SIPA1L2: variants seen among roughly 807,000 people sequenced by gnomAD.
SIPA1L2 encodes the protein signal-induced proliferation-associated 1-like protein 2.
In SIPA1L2, 56 loss-of-function variants were observed where a neutral mutation model predicts 163.9. The ratio of observed to expected loss-of-function variants is 0.34; its 90% CI spans 0.28 to 0.43. SIPA1L2 has a LOEUF of 0.43. SIPA1L2 is among the 20% of genes least tolerant of loss of function. The probability of loss-of-function intolerance (pLI) is 1.00; values close to 1 mark genes in which losing one functional copy is unlikely to be tolerated. For missense variants in SIPA1L2, 1,974 were observed against 2,193.5 expected (o/e 0.90, Z 2.00); for synonymous variants, 877 against 865.7 (o/e 1.01, Z -0.23).
intron 1 of SIPA1L2, among the ~76,000 whole-genome samples, chr1:232,603,483 C>G (rs1048962232): frequency 6.6e-6 from 1 of 152,184 alleles, no homozygotes; most frequent in African/African-American, 2.4e-5. Flanking sequence ...CAGAGGTAAA[C>G]GTTTGAACAG....
chr1:232,512,802 TAAAA>T (rs932559539), intron 3 of SIPA1L2, among the ~76,000 whole-genome samples: 2 of 150,664 alleles, frequency 1.3e-5, no homozygotes, highest in South Asian at 2.1e-4. Flanking sequence ...GAACTTAAAG[TAAAA>T]AAAAAAATAA....
chr1:232,600,784 A>G (rs1457636315), intron 1 of SIPA1L2, among the ~76,000 whole-genome samples: 1 of 152,136 alleles, frequency 6.6e-6, no homozygotes, highest in Non-Finnish European at 1.5e-5. Flanking sequence ...AGAAGGTGGC[A>G]GTTGCTCCAG....
intron 2 of SIPA1L2, among the ~76,000 whole-genome samples, chr1:232,528,075 G>GTT (rs1387197738): frequency 2.4e-4 from 22 of 93,450 alleles, no homozygotes; most frequent in African/African-American, 1.0e-3. Flanking sequence ...AAGTAAGCAA[G>GTT]TTTTATATAT....
intron 5 of SIPA1L2, 65 bp downstream of exon 5, chr1:232,490,809 A>C: frequency 6.7e-7 from 1 of 1,487,146 alleles, no homozygotes; most frequent in Non-Finnish European, 9.1e-7. Flanking sequence ...GGATGGGAAA[A>C]CTCCAAAACT....
chr1:232,604,852 G>A (rs1661809404), intron 1 of SIPA1L2, among the ~76,000 whole-genome samples: 1 of 152,082 alleles, frequency 6.6e-6, no homozygotes, highest in Non-Finnish European at 1.5e-5. Context: ...AGACCTGTCT[G>A]TTTCCACTTC....
At chr1:232,518,285 C>T (rs1053865540) in intron 2 of SIPA1L2, among the ~76,000 whole-genome samples, 24 of 152,142 alleles carry the variant, frequency 1.6e-4, no homozygotes, top group African/African-American at 5.8e-4. Context: ...AATCCACTCC[C>T]CTTTCTTCTG....
intron 14 of SIPA1L2, 58 bp from the exon 15 acceptor site, chr1:232,439,554 C>A (rs965244723): frequency 5.2e-6 from 8 of 1,549,948 alleles, no homozygotes; most frequent in African/African-American, 1.4e-5. Flanking sequence ...AGGTGCTTCT[C>A]ACCCTGACTC....
chr1:232,486,833 A>G (rs371272894), intron 5 of SIPA1L2, among the ~76,000 whole-genome samples: 3 of 152,238 alleles, frequency 2.0e-5, no homozygotes, highest in African/African-American at 4.8e-5. Context: ...CTCCCGGGGT[A>G]TATCAGAAGG....
At chr1:232,418,928 G>A (rs889393014) in intron 18 of SIPA1L2, among the ~76,000 whole-genome samples, 2 of 152,204 alleles carry the variant, frequency 1.3e-5, no homozygotes, top group Admixed American at 1.3e-4. Flanking sequence ...ACTACTGCCT[G>A]CCACGTGATG....
At chr1:232,577,420 T>A (rs987027035) in intron 1 of SIPA1L2, among the ~76,000 whole-genome samples, 5 of 152,222 alleles carry the variant, frequency 3.3e-5, no homozygotes, top group Middle Eastern at 3.2e-3. Context: ...GCTAACAACA[T>A]CCATTCCGCA....
chr1:232,447,066 AT>A (rs2102877324), intron 10 of SIPA1L2, among the ~76,000 whole-genome samples: 1 of 152,362 alleles, frequency 6.6e-6, no homozygotes, highest in African/African-American at 2.4e-5. Flanking sequence ...TTAGCATCTG[AT>A]TTGAGATATG....
intron 3 of SIPA1L2, among the ~76,000 whole-genome samples, chr1:232,510,247 T>TAC (rs398103805): frequency 1.3e-5 from 2 of 151,472 alleles, no homozygotes; most frequent in Non-Finnish European, 2.9e-5. Context: ...TATATATATA[T>TAC]GAATAAAGAT....
chr1:232,588,001 T>C (rs1660760547), intron 1 of SIPA1L2, among the ~76,000 whole-genome samples: 1 of 152,228 alleles, frequency 6.6e-6, no homozygotes. Flanking sequence ...CTCTTTCTTT[T>C]GTAAACTGCC....
chr1:232,514,051 T>C lies in SIPA1L2; in HGVS notation c.1289A>G (p.Asn430Ser), dbSNP rs1358225363. Residue 430 changes from asparagine to serine, a missense_variant, in exon 3 of 23, where the codon AAC (asparagine) becomes AGC (serine). Around this residue, in one of 3 missense-constraint regions of SIPA1L2, gnomAD observed 607 missense variants for 624.0 expected, o/e 0.97. Coordinates refer to ENST00000674635, the MANE Select transcript of SIPA1L2 (RefSeq NM_020808.5). Reference sequence around the variant, plus strand: ...TTCCCCAGAACTGAAAGAGGATGAGTTGGCTCGAGAGAGCGCAATCCGCCT... The same window carrying C: ...TTCCCCAGAACTGAAAGAGGATGAGCTGGCTCGAGAGAGCGCAATCCGCCT... ...GDRRIALSRA[N>S]SSSFSSGESC... The C allele has an allele frequency of 4.3e-6, 7 of 1,614,020 alleles. No homozygotes were observed. The highest frequency in any genetic ancestry group is 1.3e-5 in the African/African-American group (1 of 74,914).
intron 2 of SIPA1L2, among the ~76,000 whole-genome samples, chr1:232,522,429 C>T (rs137947846): frequency 5.2e-4 from 79 of 151,830 alleles, no homozygotes; most frequent in African/African-American, 1.9e-3. Flanking sequence ...CACCTCAGTT[C>T]ACGTATCATG....
At chr1:232,604,794 G>A (rs1661803936) in intron 1 of SIPA1L2, among the ~76,000 whole-genome samples, 1 of 152,060 alleles carries the variant, frequency 6.6e-6, no homozygotes, top group Admixed American at 6.5e-5. Context: ...GTTTAAATGT[G>A]TGTGGCACAT....
At chr1:232,501,008 G>C in intron 3 of SIPA1L2, among the ~76,000 whole-genome samples, 1 of 149,234 alleles carries the variant, frequency 6.7e-6, no homozygotes, top group East Asian at 2.0e-4. Flanking sequence ...AGGTTGACTT[G>C]CTGAAGGCTC....
chr1:232,476,044 C>G (rs751824647), intron 7 of SIPA1L2, among the ~76,000 whole-genome samples: 4 of 152,046 alleles, frequency 2.6e-5, no homozygotes, highest in Non-Finnish European at 4.4e-5. Context: ...ATAGGTGAAC[C>G]CAAGTATAGG....
chr1:232,607,980 G>C lies in SIPA1L2; in HGVS notation c.-319+21889C>G, dbSNP rs887212648. ...TGAGGCAGGAAAATCACTCGAACTG[G>C]GGAGGCGGAGGTTGCGGTGAGCCGA... On this transcript the variant is annotated intron_variant, in intron 1 of 22. Coordinates refer to ENST00000674635, the MANE Select transcript of SIPA1L2 (RefSeq NM_020808.5). 1.0e-3 allele frequency among the ~76,000 whole-genome samples: 151 copies of C among 149,924 alleles called. 1 individual carries two copies. Among genetic ancestry groups the C allele is most frequent in the Non-Finnish European group, 1.0e-3 (68 of 67,700 alleles).
Sources: allele counts gnomAD v4.1 joint callset (sites outside exome capture counted in the v4.1 genomes callset), GRCh38; gene constraint gnomAD v4.1.1; regional missense constraint gnomAD v4.1.1; transcripts MANE v1.5; gene names NCBI Gene and HGNC (gene_info 2026-07-23, HGNC 2026-07-21).